PSG3: variants seen among roughly 807,000 people sequenced by gnomAD.
The protein encoded by PSG3 is pregnancy specific beta-1-glycoprotein 3.
PSG3 carries 61 observed loss-of-function variants against 47.5 expected under a neutral mutation model. That is an observed-to-expected ratio of 1.28 (90% CI 1.05 to 1.59). PSG3 has a LOEUF of 1.59. PSG3 is among the 40% of genes most tolerant of loss of function. The pLI is 0.00. For missense variants in PSG3, 756 were observed against 524.0 expected (o/e 1.44, Z -4.32); for synonymous variants, 263 against 198.4 (o/e 1.33, Z -2.74).
intron 5 of PSG3, among the ~76,000 whole-genome samples, chr19:42,728,546 G>T (rs1453989757): frequency 6.6e-6 from 1 of 152,190 alleles, no homozygotes; most frequent in Non-Finnish European, 1.5e-5. Flanking sequence ...ACTCGATTTA[G>T]CCAAATTCAG....
intron 3 of PSG3, among the ~76,000 whole-genome samples, chr19:42,731,449 G>A (rs191145629): frequency 6.0e-4 from 92 of 152,152 alleles, no homozygotes; most frequent in Admixed American, 1.1e-3. Flanking sequence ...CTAGCTTGGT[G>A]ATTAGTTTTC....
At chr19:42,730,415 G>T (rs1353305927) in intron 3 of PSG3, among the ~76,000 whole-genome samples, 1 of 152,162 alleles carries the variant, frequency 6.6e-6, no homozygotes, top group African/African-American at 2.4e-5. Flanking sequence ...CAACTGGTGG[G>T]CCCCTTCCAA....
rs760635644 is a variant in PSG3 at position 42,738,888 on chromosome 19, A to T, written c.266T>A (p.Ile89Asn). The change falls in exon 2 of 7, where the codon ATT becomes AAT. Residue 89 changes from isoleucine to asparagine, a missense_variant. Coordinates refer to ENST00000327495, the MANE Select transcript of PSG3 (RefSeq NM_021016.4). ...ITSYVVDGQI[I>N]IYGPAYSGRE... Reference sequence around the variant, plus strand: ...TCCACTGTATGCAGGCCCATATATAATTATTTGACCATCTACTACGTATGA... The same window carrying T: ...TCCACTGTATGCAGGCCCATATATATTTATTTGACCATCTACTACGTATGA... 1 of 1,614,016 alleles carries T rather than the reference A, an allele frequency of 6.2e-7. No homozygotes were observed. Among genetic ancestry groups the T allele is most frequent in the South Asian group, 1.1e-5 (1 of 91,086 alleles).
At position 42,729,763 on chromosome 19, in the gene PSG3, A is replaced by T; in HGVS notation, c.988+15T>A. 6.2e-7 allele frequency: 1 copy of T among 1,610,866 alleles called. No homozygotes were observed. Among genetic ancestry groups the T allele is most frequent in the Non-Finnish European group, 8.5e-7 (1 of 1,178,516 alleles). ...AGCTGGTGTCCTGGCCCACAGAGGA[A>T]CAAAAGATACTCACAGAGGACATTC... On this transcript the variant is annotated intron_variant, in intron 4 of 6. Coordinates refer to ENST00000327495, the MANE Select transcript of PSG3 (RefSeq NM_021016.4).
chr19:42,727,434 A>G (rs1204316275), intron 5 of PSG3, among the ~76,000 whole-genome samples: 5 of 152,226 alleles, frequency 3.3e-5, no homozygotes, highest in African/African-American at 1.2e-4. Context: ...AAACCCAATT[A>G]AAAAATGAAC....
At chr19:42,730,513 C>T (rs554221523) in intron 3 of PSG3, among the ~76,000 whole-genome samples, 2 of 152,344 alleles carry the variant, frequency 1.3e-5, no homozygotes, top group South Asian at 4.1e-4. Context: ...AATGGGACTT[C>T]CCATGGCCCT....
At chr19:42,725,826 T>A (rs1182923184) in intron 5 of PSG3, among the ~76,000 whole-genome samples, 4 of 147,336 alleles carry the variant, frequency 2.7e-5, no homozygotes, top group Non-Finnish European at 5.9e-5. Flanking sequence ...ATCACACCAC[T>A]GTATTCCATC....
At chr19:42,723,078 C>G (rs148327768) in intron 6 of PSG3, among the ~76,000 whole-genome samples, 13 of 152,284 alleles carry the variant, frequency 8.5e-5, no homozygotes, top group Middle Eastern at 3.4e-3. Context: ...GGTCTCATTT[C>G]CTGTCTTAGG....
At chr19:42,736,632 G>GTGTGTGTGTGTGTGTGTGTT (rs1174099409) in intron 2 of PSG3, among the ~76,000 whole-genome samples, 1 of 151,322 alleles carries the variant, frequency 6.6e-6, no homozygotes, top group Non-Finnish European at 1.5e-5. Context: ...GTGTGTGTGT[G>GTGTGTGTGTGTGTGTGTGTT]TGTGTGTGTG....
In PSG3 at chr19:42,738,748, C is replaced by T; in HGVS notation, c.406G>A (p.Gly136Arg). Residue 136 changes from glycine to arginine, a missense_variant, in exon 2 of 7, where the codon GGA becomes AGA. Gly to Arg is a moderately radical substitution (Grantham distance 125, BLOSUM62 -2). Coordinates refer to ENST00000327495, the MANE Select transcript of PSG3 (RefSeq NM_021016.4). ...CGGTATAAGGTGAAGGTGAAATGTCCAGTTTCTCCTCTAGTCCCATCACCT... is the reference window on the plus strand; with the variant it reads ...CGGTATAAGGTGAAGGTGAAATGTCTAGTTTCTCCTCTAGTCCCATCACCT... ...KRGDGTRGET[G>R]HFTFTLYLET... 1.9e-6 allele frequency: 3 copies of T among 1,613,914 alleles called. No individual in the cohort carries two copies. The highest frequency in any genetic ancestry group is 2.5e-6 in the Non-Finnish European group (3 of 1,179,854).
Position 42,740,359 on chromosome 19 carries a change from C to A in PSG3, c.26G>T (p.Cys9Phe). The change falls in exon 1 of 7, where the codon TGC becomes TTC. Residue 9 changes from cysteine (C) to phenylalanine (F), a missense_variant. Physicochemically the swap from Cys to Phe is radical, Grantham distance 205. Transcript: ENST00000327495. ...CCCCTTCCAGGTGATGCGCTGTGTG[C>A]AGGGAGGGGCTGAGAGGGGCCCCAT... MGPLSAPPCTQRITWKGLL... is the reference protein window; with the variant it reads MGPLSAPPFTQRITWKGLL... The A allele has an allele frequency of 6.2e-7, 1 of 1,613,998 alleles. No homozygotes were observed. Among genetic ancestry groups the A allele is most frequent in the South Asian group, 1.1e-5 (1 of 91,076 alleles).
chr19:42,729,653 G>T, intron 4 of PSG3, 125 bp downstream of exon 4: 1 of 1,544,864 alleles, frequency 6.5e-7, no homozygotes, highest in Non-Finnish European at 8.7e-7. Context: ...GGAAGTTATG[G>T]CCAGCTCGGA....
At chr19:42,725,838 TG>T (rs1473492436) in intron 5 of PSG3, among the ~76,000 whole-genome samples, 3 of 139,156 alleles carry the variant, frequency 2.2e-5, no homozygotes, top group Non-Finnish European at 3.0e-5. Flanking sequence ...TATTCCATCC[TG>T]GGCTGGCCTA....
chr19:42,737,376 G>T (rs1156670142), intron 2 of PSG3, among the ~76,000 whole-genome samples: 1 of 152,126 alleles, frequency 6.6e-6, no homozygotes, highest in African/African-American at 2.4e-5. Context: ...GCTCCTGAGT[G>T]TGTCTGTCTC....
In PSG3 at chr19:42,733,367, G is replaced by C. The variant is rs2353148; in HGVS notation, c.431-305C>G. ...GTGCCTCTCTGAGTCCCTCCATCTC[G>C]AAGTGCCTGCCTGGCCCACCTTGTG... is the stretch of plus-strand genomic sequence containing the variant. On this transcript the variant is annotated intron_variant, in intron 2 of 6. Coordinates refer to ENST00000327495, the MANE Select transcript of PSG3 (RefSeq NM_021016.4). 526 of 415,976 alleles carry C rather than the reference G, an allele frequency of 1.3e-3. 5 individuals carry two copies. The highest frequency in any genetic ancestry group is 0.011 in the East Asian group (256 of 23,210). 25.8% of individuals were successfully genotyped at this position (415,976 alleles called of 1,614,324 possible).
At position 42,729,285 on chromosome 19, in the gene PSG3, G is replaced by T; in HGVS notation, c.1081C>A (p.Pro361Thr). The T allele has an allele frequency of 6.2e-7, 1 of 1,614,142 alleles. No homozygotes were observed. Among genetic ancestry groups the T allele is most frequent in the Non-Finnish European group, 8.5e-7 (1 of 1,179,976 alleles). The change falls in exon 5 of 7, where the codon CCA (proline) becomes ACA (threonine). Residue 361 changes from proline to threonine, a missense_variant. Coordinates refer to ENST00000327495, the MANE Select transcript of PSG3 (RefSeq NM_021016.4). ...YLSCFADSNPPAEYSWTINGK... is the reference protein window; with the variant it reads ...YLSCFADSNPTAEYSWTINGK... ...TTAATTGTCCAAGAATATTCTGCTGGTGGGTTAGAGTCCGCGAAGCAGGAC... is the reference window on the plus strand; with the variant it reads ...TTAATTGTCCAAGAATATTCTGCTGTTGGGTTAGAGTCCGCGAAGCAGGAC...
At chr19:42,738,453 G>T (rs1969603339) in intron 2 of PSG3, among the ~76,000 whole-genome samples, 3 of 152,322 alleles carry the variant, frequency 2.0e-5, no homozygotes, top group South Asian at 2.1e-4. Flanking sequence ...GAGAGCATGA[G>T]GTGCTTGGCT....
intron 6 of PSG3, among the ~76,000 whole-genome samples, chr19:42,723,424 C>T (rs567364042): frequency 6.6e-5 from 10 of 152,132 alleles, no homozygotes; most frequent in Non-Finnish European, 7.4e-5. Context: ...TAGGAAGTAG[C>T]GGTAAAGGAA....
intron 5 of PSG3, among the ~76,000 whole-genome samples, chr19:42,728,019 C>G (rs544112129): frequency 1.3e-5 from 2 of 152,166 alleles, no homozygotes; most frequent in South Asian, 4.1e-4. Flanking sequence ...AAGCCAGACA[C>G]AAAAGGATAA....
Sources: allele counts gnomAD v4.1 joint callset (sites outside exome capture counted in the v4.1 genomes callset), GRCh38; gene constraint gnomAD v4.1.1; transcripts MANE v1.5; gene names NCBI Gene and HGNC (gene_info 2026-07-23, HGNC 2026-07-21).